GRIN2A: variants seen among roughly 807,000 people sequenced by gnomAD.
The protein encoded by GRIN2A is glutamate ionotropic receptor NMDA type subunit 2A.
In GRIN2A, 22 loss-of-function variants were observed where a neutral mutation model predicts 113.4. That is an observed-to-expected ratio of 0.19 (90% CI 0.14 to 0.28). GRIN2A has a LOEUF of 0.28. Among genes scored for constraint, GRIN2A ranks in the 10% least tolerant of loss-of-function variants. The probability of loss-of-function intolerance (pLI) is 1.00; values close to 1 mark genes in which losing one functional copy is unlikely to be tolerated. For missense variants in GRIN2A, 1,502 were observed against 1,887.0 expected, an observed-to-expected ratio of 0.80 and a Z score of 3.78; for synonymous variants, 827 against 738.4, an observed-to-expected ratio of 1.12 and a Z score of -1.94.
At chr16:9,868,784 T>C (rs1195288697) in intron 4 of GRIN2A, among the ~76,000 whole-genome samples, 1 of 152,172 alleles carries the variant, frequency 6.6e-6, no homozygotes, top group Admixed American at 6.5e-5. Flanking sequence ...CATCAACTCA[T>C]GAATCACACA....
chr16:10,124,848 A>G (rs1238415294), intron 2 of GRIN2A, among the ~76,000 whole-genome samples: 2 of 152,188 alleles, frequency 1.3e-5, no homozygotes, highest in African/African-American at 2.4e-5. Context: ...CTCCTATGGA[A>G]AAGGTTAGCA....
chr16:9,961,815 G>T (rs2141705566), intron 2 of GRIN2A, among the ~76,000 whole-genome samples: 1 of 152,284 alleles, frequency 6.6e-6, no homozygotes, highest in Non-Finnish European at 1.5e-5. Context: ...AGCCCACAAT[G>T]CCAAGTTAAT....
At chr16:9,815,406 C>A (rs975586105) in intron 10 of GRIN2A, among the ~76,000 whole-genome samples, 1 of 121,462 alleles carries the variant, frequency 8.2e-6, no homozygotes. Flanking sequence ...TAAAACCTAA[C>A]AACAACCAAA....
At chr16:9,897,995 A>G (rs915443846) in intron 3 of GRIN2A, among the ~76,000 whole-genome samples, 1 of 150,758 alleles carries the variant, frequency 6.6e-6, no homozygotes, top group Non-Finnish European at 1.5e-5. Context: ...TAGGCTTTAC[A>G]GTGAGACAGT....
intron 3 of GRIN2A, among the ~76,000 whole-genome samples, chr16:9,907,476 G>A (rs1298023532): frequency 4.6e-5 from 7 of 152,122 alleles, no homozygotes; most frequent in Non-Finnish European, 7.3e-5. Flanking sequence ...AAGTGTGGCT[G>A]TAAGTAGACA....
intron 11 of GRIN2A, among the ~76,000 whole-genome samples, chr16:9,793,908 G>A (rs972044084): frequency 6.6e-6 from 1 of 152,038 alleles, no homozygotes; most frequent in Non-Finnish European, 1.5e-5. Context: ...TAGATATTTT[G>A]CATTTATACA....
chr16:9,822,172 G>T, intron 10 of GRIN2A, 92 bp downstream of exon 10: 1 of 1,282,522 alleles, frequency 7.8e-7, no homozygotes, highest in Non-Finnish European at 1.1e-6. Flanking sequence ...AAATACAATG[G>T]GAGCAGATAG....
At chr16:9,966,627 C>T (rs1277914821) in intron 2 of GRIN2A, among the ~76,000 whole-genome samples, 4 of 152,156 alleles carry the variant, frequency 2.6e-5, no homozygotes, top group African/African-American at 7.2e-5. Context: ...ATATTCCTTT[C>T]GGTATATACC....
intron 2 of GRIN2A, among the ~76,000 whole-genome samples, chr16:10,145,334 A>G (rs571751055): frequency 6.7e-4 from 102 of 152,334 alleles, no homozygotes; most frequent in African/African-American, 2.1e-3. Context: ...TGTTCTCACT[A>G]CAACAACAAC....
At chr16:10,106,212 G>GTTTTTT (rs71402429) in intron 2 of GRIN2A, among the ~76,000 whole-genome samples, 2 of 140,972 alleles carry the variant, frequency 1.4e-5, no homozygotes, top group Non-Finnish European at 3.1e-5. Context: ...TTGGGGAAGT[G>GTTTTTT]TTTTTTTTTT....
At chr16:10,009,380 A>C (rs910188811) in intron 2 of GRIN2A, among the ~76,000 whole-genome samples, 5 of 152,224 alleles carry the variant, frequency 3.3e-5, no homozygotes, top group African/African-American at 1.2e-4. Flanking sequence ...GGTAAGGATG[A>C]AGTGAGGATT....
chr16:10,073,579 G>C (rs1276938450), intron 2 of GRIN2A, among the ~76,000 whole-genome samples: 1 of 152,058 alleles, frequency 6.6e-6, no homozygotes, highest in African/African-American at 2.4e-5. Context: ...CGTGATGTGT[G>C]AGGGTCAAAA....
chr16:10,155,665 G>C (rs1195400989), intron 2 of GRIN2A, among the ~76,000 whole-genome samples: 1 of 152,196 alleles, frequency 6.6e-6, no homozygotes, highest in Non-Finnish European at 1.5e-5. Context: ...TAACTTATAA[G>C]GGAAAGAGGT....
intron 3 of GRIN2A, among the ~76,000 whole-genome samples, chr16:9,929,580 A>G (rs1384269801): frequency 6.6e-6 from 1 of 152,148 alleles, no homozygotes; most frequent in African/African-American, 2.4e-5. Context: ...ATGATCTCCC[A>G]ACCAGCCTAT....
intron 2 of GRIN2A, among the ~76,000 whole-genome samples, chr16:10,048,526 G>A (rs28528871): frequency 0.11 from 16,857 of 152,184 alleles, 1,083 homozygotes; most frequent in African/African-American, 0.17. Context: ...CCTGCAAACT[G>A]CTTGGATTCC....
intron 2 of GRIN2A, among the ~76,000 whole-genome samples, chr16:9,965,708 G>T (rs1445474187): frequency 6.6e-6 from 1 of 152,160 alleles, no homozygotes. Context: ...TGAATGGAGA[G>T]GAAATCACCC....
At chr16:9,998,411 T>A (rs148906815) in intron 2 of GRIN2A, among the ~76,000 whole-genome samples, 290 of 152,356 alleles carry the variant, frequency 1.9e-3, no homozygotes, top group Non-Finnish European at 3.2e-3. Flanking sequence ...GTTGTGTGAA[T>A]ACTTAATAGA....
intron 3 of GRIN2A, among the ~76,000 whole-genome samples, chr16:9,913,271 G>C (rs1003454381): frequency 6.6e-6 from 1 of 152,078 alleles, no homozygotes; most frequent in East Asian, 1.9e-4. Context: ...TCTCCTCTAG[G>C]GAAACATTTC....
In GRIN2A at chr16:9,933,219, CT is replaced by C. The variant is rs887193372; in HGVS notation, c.1007+4739del. 3.3e-5 allele frequency among the ~76,000 whole-genome samples: 5 copies of C among 152,034 alleles called. No individual in the cohort carries two copies. In the East Asian group the frequency reaches 7.7e-4, roughly 23 times the overall value. ...GAAGAAAATGTCCCCCTTTCCTGTA[CT>C]TTTTTTTGCCTGAAACTCTATGTAC... On this transcript the variant is annotated intron_variant, in intron 3 of 12. Transcript: ENST00000330684.
Sources: allele counts gnomAD v4.1 joint callset (sites outside exome capture counted in the v4.1 genomes callset), GRCh38; gene constraint gnomAD v4.1.1; transcripts MANE v1.5; gene names NCBI Gene and HGNC (gene_info 2026-07-23, HGNC 2026-07-21).